The following C3orf18 variants were observed in gnomAD, a reference collection of about 807,000 sequenced individuals.
C3orf18 encodes chromosome 3 open reading frame 18.
C3orf18 carries 12 observed loss-of-function variants against 14.1 expected under a neutral mutation model. That is an observed-to-expected ratio of 0.85 (90% CI 0.55 to 1.38). C3orf18 has a LOEUF of 1.38. C3orf18 is among the 40% of genes most tolerant of loss of function. The pLI is 0.00. For missense variants in C3orf18, 196 were observed against 213.9 expected, an observed-to-expected ratio of 0.92 and a Z score of 0.52; for synonymous variants, 82 against 87.9, an observed-to-expected ratio of 0.93 and a Z score of 0.38.
chr3:50,562,515 A>G (rs757329432), intron 3 of C3orf18: 2 of 454,768 alleles, frequency 4.4e-6, no homozygotes, highest in South Asian at 1.6e-5. Flanking sequence ...CAGTTACTCA[A>G]GAGGCTGAGG....
chr3:50,573,201 G>A (rs1291007904), upstream of C3orf18, among the ~76,000 whole-genome samples: 4 of 152,138 alleles, frequency 2.6e-5, no homozygotes, highest in African/African-American at 9.7e-5. Flanking sequence ...TGAAGTCACA[G>A]GGCTGTCAAG....
At chr3:50,571,469 GCA>G (rs1700950954), upstream of C3orf18, 2 of 698,320 alleles carry the variant, frequency 2.9e-6, no homozygotes, top group Non-Finnish European at 4.9e-6. Context: ...TTAGCGCCTG[GCA>G]CACACTGTAA....
In C3orf18 at chr3:50,559,360, C is replaced by T; in HGVS notation, c.*297G>A. The T allele has an allele frequency of 1.5e-6, 2 of 1,312,756 alleles. No individual in the cohort carries two copies. The highest frequency in any genetic ancestry group is 2.0e-6 in the Non-Finnish European group (2 of 1,022,588). 81.3% of individuals were successfully genotyped at this position (1,312,756 alleles called of 1,614,324 possible). A position where few individuals can be genotyped will look rare whatever the true frequency, so the allele number is the denominator to read the frequency against. Reference sequence around the variant, plus strand: ...CGGGGCAGACCCTGATGTGAGGGATCTGGACAGGGGATGAGGAAGCCAGCA... The same window carrying T: ...CGGGGCAGACCCTGATGTGAGGGATTTGGACAGGGGATGAGGAAGCCAGCA... On this transcript the variant is annotated 3_prime_UTR_variant, in exon 6 of 6. Transcript: ENST00000357203.
At chr3:50,571,138 C>G, upstream of C3orf18, 2 of 1,610,296 alleles carry the variant, frequency 1.2e-6, no homozygotes, top group Non-Finnish European at 1.7e-6. Context: ...GTGGGCCCTC[C>G]TGTCTGGCCC....
upstream of C3orf18, chr3:50,569,684 G>A (rs959546832): frequency 6.6e-6 from 1 of 152,372 alleles, no homozygotes; most frequent in African/African-American, 2.4e-5. Context: ...TTGGAGAGAG[G>A]GGGCCTCATC....
At chr3:50,559,862 G>A in intron 5 of C3orf18, 125 bp from the exon 6 acceptor site, 1 of 560,952 alleles carries the variant, frequency 1.8e-6, no homozygotes, top group Non-Finnish European at 3.0e-6. Context: ...CTTCTGCCTG[G>A]AATGCCCTCC....
In C3orf18 at chr3:50,560,922, C is replaced by T. The variant is rs1441092245; in HGVS notation, c.403G>A (p.Gly135Ser). Residue 135 changes from glycine to serine, a missense_variant, in exon 5 of 6, where the codon GGC (glycine) becomes AGC (serine). Coordinates refer to ENST00000357203, the MANE Select transcript of C3orf18 (RefSeq NM_016210.5). ...QAATSVQAMQ[G>S]KTTLPSQGPL... ...GGAGCCTGGTCAGTGCCCACCTTGC[C>T]CTGCATGGCCTGCACAGAAGTAGCA... is the stretch of plus-strand genomic sequence containing the variant. 4 of 1,610,190 alleles carry T rather than the reference C, an allele frequency of 2.5e-6. No individual in the cohort carries two copies. Among genetic ancestry groups the T allele is most frequent in the Non-Finnish European group, 3.4e-6 (4 of 1,178,054 alleles).
intron 3 of C3orf18, among the ~76,000 whole-genome samples, chr3:50,563,591 C>T (rs1700116920): frequency 6.6e-6 from 1 of 152,124 alleles, no homozygotes; most frequent in East Asian, 1.9e-4. Context: ...CTTTTCCTTC[C>T]TGGGTAAGGC....
At chr3:50,574,426 G>C (rs181379226), upstream of C3orf18, among the ~76,000 whole-genome samples, 98 of 152,318 alleles carry the variant, frequency 6.4e-4, no homozygotes, top group Admixed American at 1.9e-3. Context: ...GGTGGCAGGG[G>C]CTCAGTTTCT....
At chr3:50,559,841 A>G (rs1397089327) in intron 5 of C3orf18, 104 bp from the exon 6 acceptor site, 4 of 650,912 alleles carry the variant, frequency 6.1e-6, no homozygotes, top group Non-Finnish European at 9.8e-6. Flanking sequence ...TATGCTTGGC[A>G]CTAGCAATGG....
rs921416406 is a variant in C3orf18 at position 50,566,024 on chromosome 3, C to T, written c.-181G>A. Reference sequence around the variant, plus strand: ...CACATACTTTACGTATCTACGGTGCCCCTGTTTTTGGGAACAAAAATGAAG... The same window carrying T: ...CACATACTTTACGTATCTACGGTGCTCCTGTTTTTGGGAACAAAAATGAAG... On this transcript the variant is annotated 5_prime_UTR_variant, in exon 2 of 6. Transcript: ENST00000357203. The T allele has an allele frequency of 2.7e-5, 7 of 257,254 alleles. No homozygotes were observed. The highest frequency in any genetic ancestry group is 1.1e-3 in the Middle Eastern group (1 of 896). 15.9% of individuals were successfully genotyped at this position (257,254 alleles called of 1,614,324 possible).
intron 3 of C3orf18, chr3:50,562,047 GCACCA>G (rs1700008538): frequency 1.7e-6 from 1 of 573,394 alleles, no homozygotes; most frequent in Non-Finnish European, 3.1e-6. Context: ...TTACAGGTGT[GCACCA>G]CCACACCCGG....
At chr3:50,572,776 T>A (rs1269899886), upstream of C3orf18, among the ~76,000 whole-genome samples, 1 of 152,224 alleles carries the variant, frequency 6.6e-6, no homozygotes, top group African/African-American at 2.4e-5. Context: ...GGACTAGGGA[T>A]GTGTGGCGCA....
chr3:50,558,514 T>C lies in C3orf18; in HGVS notation c.*1143A>G. On this transcript the variant is annotated 3_prime_UTR_variant, in exon 6 of 6. Transcript: ENST00000357203. ...GCTCTTCCCATAGATGGGATGGAGG[T>C]GGGGAATTCAAACATAGACTAAGTT... 2.7e-6 allele frequency: 1 copy of C among 376,032 alleles called. No individual in the cohort carries two copies. Among genetic ancestry groups the C allele is most frequent in the Non-Finnish European group, 5.0e-6 (1 of 201,856 alleles). 23.3% of individuals were successfully genotyped at this position (376,032 alleles called of 1,614,324 possible).
At chr3:50,560,035 G>C (rs1699871158) in intron 5 of C3orf18, among the ~76,000 whole-genome samples, 1 of 152,200 alleles carries the variant, frequency 6.6e-6, no homozygotes, top group Non-Finnish European at 1.5e-5. Context: ...CCTAGCACAG[G>C]GGCTGGTACA....
chr3:50,566,652 G>A (rs1226708120), intron 1 of C3orf18, among the ~76,000 whole-genome samples: 4 of 152,078 alleles, frequency 2.6e-5, no homozygotes, highest in Non-Finnish European at 5.9e-5. Flanking sequence ...ACAAGAAGGA[G>A]AGAGAGGCTC....
In C3orf18 at chr3:50,562,060, C is replaced by A. The variant is rs34399912; in HGVS notation, c.235-313G>T. On this transcript the variant is annotated intron_variant, in intron 3 of 5. Transcript: ENST00000357203. The stretch of plus-strand genomic sequence containing the variant: ...GATTACAGGTGTGCACCACCACACC[C>A]GGCTAATTTTTGTATTTTTAGTAGA... 7 of 560,580 alleles carry A rather than the reference C, an allele frequency of 1.2e-5. No homozygotes were observed. In the Admixed American group the frequency reaches 2.2e-4, roughly 18 times the overall value. The allele number at this position is 560,580 out of a possible 1,614,324, so 34.7% of individuals were successfully genotyped here.
At chr3:50,571,248 G>A (rs553951388), upstream of C3orf18, 2 of 1,613,700 alleles carry the variant, frequency 1.2e-6, no homozygotes, top group African/African-American at 1.3e-5. Context: ...TCAGCCACTG[G>A]ACTGGGGTCT....
At chr3:50,573,809 G>A (rs375162597), upstream of C3orf18, among the ~76,000 whole-genome samples, 188 of 152,362 alleles carry the variant, frequency 1.2e-3, no homozygotes, top group Non-Finnish European at 2.1e-3. Flanking sequence ...CAGGAGGCAT[G>A]TGCCCAGTGA....
Sources: allele counts gnomAD v4.1 joint callset (sites outside exome capture counted in the v4.1 genomes callset), GRCh38; gene constraint gnomAD v4.1.1; transcripts MANE v1.5; gene names NCBI Gene and HGNC (gene_info 2026-07-23, HGNC 2026-07-21).